The following CTNNA3 variants were observed in gnomAD, a reference collection of about 807,000 sequenced individuals.
CTNNA3 encodes the protein catenin alpha 3, also known as catenin alpha-3.
Under a neutral mutation model 95.7 loss-of-function variants are expected in CTNNA3, and 76 were observed. That is an observed-to-expected ratio of 0.79 (90% CI 0.66 to 0.96). The LOEUF is 0.96. Among genes scored for constraint, CTNNA3 ranks in the 40% least tolerant of loss-of-function variants. CTNNA3 has a pLI of 0.00. For synonymous variants in CTNNA3, 431 were observed against 374.4 expected, an observed-to-expected ratio of 1.15 and a Z score of -1.74; for missense variants, 1,191 against 1,089.8, an observed-to-expected ratio of 1.09 and a Z score of -1.31.
intron 15 of CTNNA3, among the ~76,000 whole-genome samples, chr10:65,990,917 T>G (rs1374227383): frequency 6.6e-6 from 1 of 152,046 alleles, no homozygotes; most frequent in Non-Finnish European, 1.5e-5. Context: ...AGGTTTTAGC[T>G]GATCTTGATT....
chr10:67,176,115 G>A (rs1388596910), intron 7 of CTNNA3, among the ~76,000 whole-genome samples: 1 of 151,964 alleles, frequency 6.6e-6, no homozygotes, highest in Admixed American at 6.6e-5. Flanking sequence ...TATTTTTAAT[G>A]AATAAAAATC....
intron 7 of CTNNA3, among the ~76,000 whole-genome samples, chr10:66,874,733 G>A (rs1020735797): frequency 6.6e-6 from 1 of 152,062 alleles, no homozygotes; most frequent in Non-Finnish European, 1.5e-5. Context: ...TACCAAAAGA[G>A]GTATTTGACC....
chr10:66,841,592 C>T (rs1225719901), intron 7 of CTNNA3, among the ~76,000 whole-genome samples: 1 of 152,084 alleles, frequency 6.6e-6, no homozygotes. Flanking sequence ...ACCCTTATTT[C>T]CCAGAGTAGA....
At chr10:67,626,272 T>A (rs917547544) in intron 2 of CTNNA3, among the ~76,000 whole-genome samples, 5 of 152,194 alleles carry the variant, frequency 3.3e-5, no homozygotes, top group African/African-American at 9.7e-5. Flanking sequence ...GTCATTGATC[T>A]TTTTCCCTTC....
chr10:66,070,761 C>T (rs1478574508), intron 14 of CTNNA3, among the ~76,000 whole-genome samples: 1 of 152,094 alleles, frequency 6.6e-6, no homozygotes. Flanking sequence ...CAACTGCTAT[C>T]CACCTGCCAT....
Position 66,270,179 on chromosome 10 carries a change from AC to A in CTNNA3, c.1884+10290del, listed in dbSNP as rs377544194. ...TTTTGAACAAATGTCCAATTTGGAA[AC>A]CAAATCAACCACTTTATTTAATGCA... On this transcript the variant is annotated intron_variant, in intron 13 of 17. Coordinates refer to ENST00000433211, the MANE Select transcript of CTNNA3 (RefSeq NM_013266.4). Among the ~76,000 whole-genome samples, 374 of 145,326 alleles carry A rather than the reference AC, an allele frequency of 2.6e-3. 4 individuals are homozygous for A. The highest frequency in any genetic ancestry group is 9.3e-3 in the African/African-American group (361 of 38,824).
intron 13 of CTNNA3, among the ~76,000 whole-genome samples, chr10:66,113,335 TTA>T (rs1247906712): frequency 1.3e-5 from 2 of 152,174 alleles, no homozygotes; most frequent in Admixed American, 1.3e-4. Flanking sequence ...TCTTTTTTCT[TTA>T]ATTGTTTGAA....
chr10:67,583,368 A>G (rs539768334), intron 3 of CTNNA3, among the ~76,000 whole-genome samples: 19 of 152,276 alleles, frequency 1.2e-4, no homozygotes, highest in Admixed American at 1.2e-3. Flanking sequence ...CTTTTCTTTA[A>G]GAATGTTGAA....
intron 9 of CTNNA3, among the ~76,000 whole-genome samples, chr10:66,673,738 T>G (rs1846747175): frequency 6.6e-6 from 1 of 152,192 alleles, no homozygotes; most frequent in African/African-American, 2.4e-5. Flanking sequence ...TATTCATCAT[T>G]TCAAAGAAAC....
intron 11 of CTNNA3, among the ~76,000 whole-genome samples, chr10:66,404,914 G>A (rs1297931070): frequency 1.3e-5 from 2 of 152,116 alleles, no homozygotes; most frequent in African/African-American, 4.8e-5. Flanking sequence ...AAATGGTTAG[G>A]GGCAGAACAT....
intron 9 of CTNNA3, among the ~76,000 whole-genome samples, chr10:66,686,778 A>G (rs2132521270): frequency 6.6e-6 from 1 of 152,312 alleles, no homozygotes; most frequent in South Asian, 2.1e-4. Flanking sequence ...TGAGAGAGAG[A>G]AACCAAATAA....
chr10:66,912,147 T>A (rs1846250515), intron 7 of CTNNA3, among the ~76,000 whole-genome samples: 1 of 152,272 alleles, frequency 6.6e-6, no homozygotes, highest in African/African-American at 2.4e-5. Flanking sequence ...ACATAAGTGG[T>A]TGCCTATTTG....
At position 66,304,514 on chromosome 10, in the gene CTNNA3, A is replaced by T. The variant is rs188359914; in HGVS notation, c.1733-23893T>A. 1.6e-4 allele frequency among the ~76,000 whole-genome samples: 24 copies of T among 152,252 alleles called. No homozygotes were observed. The East Asian group carries it at 4.6e-3, about 29-fold the overall frequency. ...AAAAAGAGGATGAGAATGAACAAAG[A>T]TTTGCACTAATAATCCATACGCTCA... On this transcript the variant is annotated intron_variant, in intron 12 of 17. Coordinates refer to ENST00000433211, the MANE Select transcript of CTNNA3 (RefSeq NM_013266.4).
intron 11 of CTNNA3, among the ~76,000 whole-genome samples, chr10:66,484,872 A>T (rs958336420): frequency 6.6e-6 from 1 of 152,116 alleles, no homozygotes; most frequent in African/African-American, 2.4e-5. Flanking sequence ...AATTGAAGGG[A>T]TCATGTGCTA....
intron 14 of CTNNA3, among the ~76,000 whole-genome samples, chr10:66,097,449 A>T (rs1253600907): frequency 6.6e-6 from 1 of 152,202 alleles, no homozygotes; most frequent in Non-Finnish European, 1.5e-5. Flanking sequence ...TGAATCTTCA[A>T]AAACACCTAT....
chr10:67,386,507 C>T (rs1373437280), intron 5 of CTNNA3, among the ~76,000 whole-genome samples: 3 of 152,126 alleles, frequency 2.0e-5, no homozygotes, highest in Non-Finnish European at 4.4e-5. Flanking sequence ...TAAGATCTGA[C>T]TTCAACACTT....
Position 67,210,924 on chromosome 10 carries a change from C to T in CTNNA3, c.843+8683G>A, listed in dbSNP as rs138225878. On this transcript the variant is annotated intron_variant, in intron 6 of 17. Coordinates refer to ENST00000433211, the MANE Select transcript of CTNNA3 (RefSeq NM_013266.4). ...GCTCACAAGTATGGTCCCTAGTTAA[C>T]GCTAAACTAACCCTAAAACTAAACA... Among the ~76,000 whole-genome samples the T allele has an allele frequency of 1.3e-3, 199 of 152,222 alleles. 5 individuals carry two copies. In the East Asian group the frequency reaches 0.025, roughly 19 times the overall value.
chr10:67,096,167 A>G (rs907630419), intron 7 of CTNNA3, among the ~76,000 whole-genome samples: 3 of 151,886 alleles, frequency 2.0e-5, no homozygotes, highest in African/African-American at 7.2e-5. Flanking sequence ...TATTCATATT[A>G]TAAGCAAATA....
chr10:66,853,843 C>G (rs1843588591), intron 7 of CTNNA3, among the ~76,000 whole-genome samples: 1 of 152,056 alleles, frequency 6.6e-6, no homozygotes, highest in Non-Finnish European at 1.5e-5. Flanking sequence ...ATAATTTCTA[C>G]TAAGTATGCT....
Sources: gnomAD v4.1 joint callset for allele counts (sites outside exome capture counted in the v4.1 genomes callset) on GRCh38, gnomAD v4.1.1 for gene constraint, MANE v1.5 for transcripts, NCBI Gene and HGNC (gene_info 2026-07-23, HGNC 2026-07-21) for gene names.